CALD1: variants seen among roughly 807,000 people sequenced by gnomAD.
CALD1 encodes caldesmon 1, also known as caldesmon.
CALD1 carries 33 observed loss-of-function variants against 99.9 expected under a neutral mutation model. The observed-to-expected ratio is 0.33, with a 90% CI of 0.25 to 0.44. CALD1 has a LOEUF of 0.44. Among genes scored for constraint, CALD1 ranks in the 20% least tolerant of loss-of-function variants. CALD1 has a pLI of 1.00. For missense variants in CALD1, 861 were observed against 962.1 expected (o/e 0.89, Z 1.39); for synonymous variants, 310 against 325.0 (o/e 0.95, Z 0.50).
chr7:134,864,212 C>T lies in CALD1; in HGVS notation c.-41-3481C>T, dbSNP rs909537428. 4.0e-5 allele frequency among the ~76,000 whole-genome samples: 6 copies of T among 151,848 alleles called. No homozygotes were observed. In the East Asian group the frequency reaches 7.8e-4, roughly 20 times the overall value. ...AAAAATAAAAATTAGCCGGGTGTGG[C>T]GGTATACACCTGTAATCCCAGGTAC... On this transcript the variant is annotated intron_variant, in intron 2 of 14. Transcript: ENST00000361675.
At chr7:134,795,497 C>T (rs1797711813) in intron 1 of CALD1, among the ~76,000 whole-genome samples, 1 of 152,152 alleles carries the variant, frequency 6.6e-6, no homozygotes, top group Admixed American at 6.5e-5. Context: ...TTGGATACGT[C>T]ATTATTACCA....
chr7:134,787,975 T>C (rs1358072753), intron 1 of CALD1, among the ~76,000 whole-genome samples: 1 of 152,186 alleles, frequency 6.6e-6, no homozygotes, highest in Non-Finnish European at 1.5e-5. Context: ...AATCCACCTC[T>C]GTACAATGGC....
rs369032270 is a variant in CALD1 at position 134,917,843 on chromosome 7, TC to T, written c.72-10909del. On this transcript the variant is annotated intron_variant, in intron 3 of 14. Transcript: ENST00000361675. Reference sequence around the variant, plus strand: ...TTTGGTTATTTTATTTTAATTATCTTCCTGGCCACTTAAGCATTCATAACTC... The same window carrying T: ...TTTGGTTATTTTATTTTAATTATCTTCTGGCCACTTAAGCATTCATAACTC... 9.7e-4 allele frequency among the ~76,000 whole-genome samples: 148 copies of T among 152,354 alleles called. 3 individuals are homozygous for T. The highest frequency in any genetic ancestry group is 3.5e-3 in the African/African-American group (144 of 41,586).
chr7:134,764,814 C>T (rs1053756297), intron 1 of CALD1, among the ~76,000 whole-genome samples: 6 of 152,026 alleles, frequency 3.9e-5, no homozygotes, highest in African/African-American at 1.4e-4. Flanking sequence ...ACTGAAGTCA[C>T]TGAGGCAGGA....
chr7:134,863,703 TATAAAAC>T (rs1438058879), intron 2 of CALD1, among the ~76,000 whole-genome samples: 3 of 152,144 alleles, frequency 2.0e-5, no homozygotes, highest in Non-Finnish European at 4.4e-5. Context: ...CAAAAAAGAA[TATAAAAC>T]ATAATACATT....
intron 1 of CALD1, among the ~76,000 whole-genome samples, chr7:134,755,938 T>C (rs550138372): frequency 6.6e-6 from 1 of 152,328 alleles, no homozygotes; most frequent in South Asian, 2.1e-4. Context: ...TGATGTGAGA[T>C]AGGGATCTAA....
chr7:134,958,384 C>CCAAT (rs1377392283), intron 11 of CALD1, 94 bp downstream of exon 11: 2 of 946,048 alleles, frequency 2.1e-6, no homozygotes, highest in African/African-American at 3.3e-5. Flanking sequence ...ATAATCAAGT[C>CCAAT]CAATAGCCCC....
At chr7:134,961,937 A>G (rs1208071670) in intron 13 of CALD1, 2 of 152,106 alleles carry the variant, frequency 1.3e-5, no homozygotes, top group East Asian at 1.9e-4. Context: ...TTGAATTATG[A>G]ACCCCTTTAA....
chr7:134,933,497 A>G lies in CALD1; in HGVS notation c.728A>G (p.Glu243Gly). 6.2e-7 allele frequency: 1 copy of G among 1,614,028 alleles called. No individual in the cohort carries two copies. The highest frequency in any genetic ancestry group is 8.5e-7 in the Non-Finnish European group (1 of 1,179,982). The change falls in exon 5 of 15, where the codon GAG (glutamate) becomes GGG (glycine). Residue 243 changes from glutamate (E) to glycine (G), a missense_variant. Around this residue, in one of 5 missense-constraint regions of CALD1, gnomAD observed 234 missense variants for 233.1 expected, o/e 1.00. Transcript: ENST00000361675. ...ISSEEPKQEE[E>G]REQGSDEISH... ...TCAGAAGAGCCTAAACAAGAGGAGG[A>G]GAGGGAACAAGGTTCAGATGAGATT...
intron 1 of CALD1, among the ~76,000 whole-genome samples, chr7:134,785,694 T>C (rs965047425): frequency 2.0e-5 from 3 of 152,214 alleles, no homozygotes; most frequent in African/African-American, 7.2e-5. Context: ...TACATATGCA[T>C]TCTAGGGTTA....
At chr7:134,817,155 G>A (rs575272653) in intron 1 of CALD1, among the ~76,000 whole-genome samples, 1 of 152,182 alleles carries the variant, frequency 6.6e-6, no homozygotes, top group South Asian at 2.1e-4. Flanking sequence ...AGGAATGCAA[G>A]GTAGGCAAGC....
chr7:134,947,393 G>T, intron 7 of CALD1, 115 bp from the exon 8 acceptor site: 1 of 1,073,968 alleles, frequency 9.3e-7, no homozygotes, highest in Non-Finnish European at 1.3e-6. Flanking sequence ...CTGGGCTAAT[G>T]AGAGGCAGTG....
Position 134,960,338 on chromosome 7 carries a change from T to C in CALD1, c.2200-195T>C, listed in dbSNP as rs906066477. ...TCCAAATAAAGTGCCTGGGCTGAAA[T>C]GTCCACCCTTGGAGTTGGAGTGGGG... On this transcript the variant is annotated intron_variant, in intron 12 of 14. Transcript: ENST00000361675. The C allele has an allele frequency of 7.6e-6, 5 of 655,520 alleles. No individual in the cohort carries two copies. In the Admixed American group the frequency reaches 1.4e-4, roughly 19 times the overall value. The allele number at this position is 655,520 out of a possible 1,614,324, so 40.6% of individuals were successfully genotyped here. A position where few individuals can be genotyped will look rare whatever the true frequency, so the allele number is the denominator to read the frequency against.
intron 3 of CALD1, among the ~76,000 whole-genome samples, chr7:134,918,858 T>C (rs1804411639): frequency 6.6e-6 from 1 of 152,100 alleles, no homozygotes; most frequent in Non-Finnish European, 1.5e-5. Context: ...TAGCCAGATG[T>C]GGTGGTGCAC....
chr7:134,852,536 C>A (rs960864524), intron 2 of CALD1, among the ~76,000 whole-genome samples: 11 of 152,120 alleles, frequency 7.2e-5, no homozygotes, highest in Non-Finnish European at 4.4e-5. Flanking sequence ...CAGCCTTTCC[C>A]AGCACATTTA....
chr7:134,959,633 G>A (rs548787424), intron 11 of CALD1, among the ~76,000 whole-genome samples: 68 of 152,172 alleles, frequency 4.5e-4, no homozygotes, highest in Middle Eastern at 3.4e-3. Context: ...TTGTGCCACT[G>A]CACTCCAGCC....
intron 1 of CALD1, among the ~76,000 whole-genome samples, chr7:134,797,198 T>A (rs56202238): frequency 0.28 from 42,237 of 152,002 alleles, 6,856 homozygotes; most frequent in East Asian, 0.65. Flanking sequence ...TTACTCAAAC[T>A]GGTTTCGAAC....
rs1797173446 is a variant in CALD1 at position 134,783,132 on chromosome 7, CT to C, written c.-130+3385del. ...GAACCCCGGAACGTCATGCCTGGGC[CT>C]TGTAGGAAGGGCAAGGAAGGCAGGA... On this transcript the variant is annotated intron_variant, in intron 1 of 14. Transcript: ENST00000361675. This position sits in a 1 kb window ranked among gnomAD's most constrained non-coding sequence, Gnocchi z 4.3. Among the ~76,000 whole-genome samples, 1 of 152,172 alleles carries C rather than the reference CT, an allele frequency of 6.6e-6. No individual in the cohort carries two copies. Among genetic ancestry groups the C allele is most frequent in the Non-Finnish European group, 1.5e-5 (1 of 68,036 alleles).
At chr7:134,768,299 C>T (rs1442343202) in intron 1 of CALD1, among the ~76,000 whole-genome samples, 2 of 152,146 alleles carry the variant, frequency 1.3e-5, no homozygotes, top group East Asian at 1.9e-4. Flanking sequence ...TTCCACCTGC[C>T]GCTCCAGGAG....
Sources: allele counts gnomAD v4.1 joint callset (sites outside exome capture counted in the v4.1 genomes callset), GRCh38; gene constraint gnomAD v4.1.1; regional missense constraint gnomAD v4.1.1; non-coding constraint Gnocchi (gnomAD v3.1); transcripts MANE v1.5; gene names NCBI Gene and HGNC (gene_info 2026-07-23, HGNC 2026-07-21).